SV2B: variants seen among roughly 807,000 people sequenced by gnomAD.
The protein encoded by SV2B is synaptic vesicle glycoprotein 2B, also known as solute carrier family 22 member B2.
In SV2B, 41 loss-of-function variants were observed where a neutral mutation model predicts 73.9. The ratio of observed to expected loss-of-function variants is 0.56; its 90% CI spans 0.43 to 0.72. The LOEUF (loss-of-function observed/expected upper bound fraction) is 0.72, where lower values mean the gene tolerates loss of function less well. SV2B is among the 30% of genes least tolerant of loss of function. The pLI, the probability that SV2B is intolerant of heterozygous loss-of-function variation, is 0.00. For synonymous variants in SV2B, 314 were observed against 314.2 expected (o/e 1.00, Z 0.01); for missense variants, 764 against 857.8 (o/e 0.89, Z 1.37).
intron 1 of SV2B, among the ~76,000 whole-genome samples, chr15:91,147,965 C>CTTTTTTTTTTTTTTTT (rs60896008): frequency 2.5e-5 from 1 of 39,260 alleles, no homozygotes; most frequent in Non-Finnish European, 4.4e-5. Flanking sequence ...CCCCCCCCAA[C>CTTTTTTTTTTTTTTTT]TTTTTTTTTT....
rs553079878 is a variant in SV2B, at chr15:91,265,212, T to C, written c.1009-1370T>C. Among the ~76,000 whole-genome samples the C allele has an allele frequency of 7.2e-4, 109 of 152,280 alleles. No individual in the cohort carries two copies. Among genetic ancestry groups the C allele is most frequent in the African/African-American group, 2.0e-3 (85 of 41,550 alleles). ...GAGCTTAGGGCAGTCACACTCTTAG[T>C]TGATGCCCATGCCGTGAGCTCTAGG... On this transcript the variant is annotated intron_variant, in intron 6 of 12. Coordinates refer to ENST00000394232, the MANE Select transcript of SV2B (RefSeq NM_001323032.3). This position sits in a 1 kb window ranked among gnomAD's most constrained non-coding sequence, Gnocchi z 4.2.
chr15:91,178,341 G>T (rs1397780588), intron 1 of SV2B, among the ~76,000 whole-genome samples: 1 of 146,082 alleles, frequency 6.8e-6, no homozygotes, highest in African/African-American at 2.6e-5. Flanking sequence ...AAGGATATTG[G>T]TCTAAAATTC....
At chr15:91,176,816 G>A (rs1372656506) in intron 1 of SV2B, among the ~76,000 whole-genome samples, 2 of 151,592 alleles carry the variant, frequency 1.3e-5, no homozygotes, top group African/African-American at 2.4e-5. Flanking sequence ...AGTAGGTTGC[G>A]AAAATTTTCT....
chr15:91,119,346 T>G (rs1192266749), intron 1 of SV2B, among the ~76,000 whole-genome samples: 1 of 152,224 alleles, frequency 6.6e-6, no homozygotes, highest in Non-Finnish European at 1.5e-5. Context: ...CGGCCAGCAA[T>G]TCATTTGTTC....
intron 11 of SV2B, among the ~76,000 whole-genome samples, chr15:91,286,907 G>C (rs543248713): frequency 1.3e-5 from 2 of 152,156 alleles, no homozygotes; most frequent in Non-Finnish European, 2.9e-5. Context: ...AGAGTTGAAG[G>C]ATCAGGGAAG....
At chr15:91,269,771 A>T (rs2048232120) in intron 9 of SV2B, among the ~76,000 whole-genome samples, 1 of 152,250 alleles carries the variant, frequency 6.6e-6, no homozygotes, top group Admixed American at 6.5e-5. Flanking sequence ...TATTTCTACC[A>T]ATATCAGACC....
At chr15:91,270,934 G>A (rs2048285391) in intron 9 of SV2B, among the ~76,000 whole-genome samples, 7 of 143,132 alleles carry the variant, frequency 4.9e-5, no homozygotes, top group Middle Eastern at 3.6e-3. Context: ...AGGACGGTGA[G>A]TCCTGTGGAC....
chr15:91,185,352 C>A (rs571016772), intron 1 of SV2B, among the ~76,000 whole-genome samples: 5 of 152,272 alleles, frequency 3.3e-5, no homozygotes, highest in Admixed American at 6.5e-5. Flanking sequence ...TATCTATTTG[C>A]ATTTTTGCAT....
rs2042237464 is a variant in SV2B at position 91,118,450 on chromosome 15, T to A, written c.-392+18087T>A. Among the ~76,000 whole-genome samples the A allele has an allele frequency of 6.6e-6, 1 of 152,364 alleles. No homozygotes were observed. Among genetic ancestry groups the A allele is most frequent in the African/African-American group, 2.4e-5 (1 of 41,580 alleles). On this transcript the variant is annotated intron_variant, in intron 1 of 12. Transcript: ENST00000394232. This position sits in a 1 kb window ranked among gnomAD's most constrained non-coding sequence, Gnocchi z 4.7. ...GGGAAGAAAAGAACATTTTTTCCTT[T>A]GCATTCATTGAGGGCTTGGGAAGGT...
intron 1 of SV2B, among the ~76,000 whole-genome samples, chr15:91,174,122 C>T (rs886144): frequency 0.35 from 53,791 of 152,042 alleles, 10,513 homozygotes; most frequent in African/African-American, 0.48. Flanking sequence ...GAAGAGCCAG[C>T]GGAACATTGC....
intron 1 of SV2B, among the ~76,000 whole-genome samples, chr15:91,196,025 G>A (rs2045233354): frequency 6.6e-6 from 1 of 152,186 alleles, no homozygotes; most frequent in Non-Finnish European, 1.5e-5. Context: ...TCCATACAAG[G>A]TAAAGTGTTT....
chr15:91,157,604 CACA>C (rs1376658712), intron 1 of SV2B, among the ~76,000 whole-genome samples: 4 of 152,172 alleles, frequency 2.6e-5, no homozygotes, highest in African/African-American at 4.8e-5. Context: ...ATTTATTTCT[CACA>C]ACAACACTGT....
At chr15:91,210,544 C>T (rs1009368366) in intron 1 of SV2B, among the ~76,000 whole-genome samples, 2 of 152,140 alleles carry the variant, frequency 1.3e-5, no homozygotes, top group Admixed American at 1.3e-4. Flanking sequence ...TGCTCTCAGA[C>T]TTGCATCTGG....
intron 1 of SV2B, among the ~76,000 whole-genome samples, chr15:91,168,498 A>G (rs2044001549): frequency 6.6e-6 from 1 of 152,130 alleles, no homozygotes; most frequent in Non-Finnish European, 1.5e-5. Flanking sequence ...AGCAGAGGAA[A>G]AAGGGAGAAA....
chr15:91,165,525 A>G (rs772289696), intron 1 of SV2B, among the ~76,000 whole-genome samples: 6 of 152,180 alleles, frequency 3.9e-5, no homozygotes, highest in African/African-American at 1.2e-4. Flanking sequence ...CAAATATCAC[A>G]CCATTTAATA....
chr15:91,172,450 T>G (rs539771776), intron 1 of SV2B, among the ~76,000 whole-genome samples: 3 of 152,136 alleles, frequency 2.0e-5, no homozygotes, highest in South Asian at 2.1e-4. Context: ...AGCAAACCCA[T>G]CCCCTCCCTG....
rs1481853795 is a variant in SV2B, at chr15:91,229,107, G to T, written c.451+2393G>T. ...GCCTCGTTTGTGGGAAGGAGGTCAT[G>T]CCGTGCACAGGCTGCTCTCTGTGTC... is the stretch of plus-strand genomic sequence containing the variant. On this transcript the variant is annotated intron_variant, in intron 2 of 12. Transcript: ENST00000394232. This position sits in a 1 kb window ranked among gnomAD's most constrained non-coding sequence, Gnocchi z 4.3. Among the ~76,000 whole-genome samples, 2 of 152,230 alleles carry T rather than the reference G, an allele frequency of 1.3e-5. No homozygotes were observed. The highest frequency in any genetic ancestry group is 2.4e-5 in the African/African-American group (1 of 41,462).
intron 1 of SV2B, among the ~76,000 whole-genome samples, chr15:91,119,336 C>T (rs978437049): frequency 2.0e-5 from 3 of 152,180 alleles, no homozygotes; most frequent in Non-Finnish European, 4.4e-5. Flanking sequence ...TACAGAGCTA[C>T]GGCCAGCAAT....
chr15:91,263,579 GAC>G (rs1471840538), intron 6 of SV2B, among the ~76,000 whole-genome samples: 3 of 148,626 alleles, frequency 2.0e-5, no homozygotes, highest in African/African-American at 7.5e-5. Context: ...CACAGACACA[GAC>G]ACAGACACAT....
Sources: allele counts gnomAD v4.1 joint callset (sites outside exome capture counted in the v4.1 genomes callset), GRCh38; gene constraint gnomAD v4.1.1; non-coding constraint Gnocchi (gnomAD v3.1); transcripts MANE v1.5; gene names NCBI Gene and HGNC (gene_info 2026-07-23, HGNC 2026-07-21).